BRI3: variants seen among roughly 807,000 people sequenced by gnomAD.
BRI3 encodes brain protein I3.
A neutral mutation model predicts 12.8 loss-of-function variants in BRI3; 6 were observed. The observed-to-expected ratio is 0.47, with a 90% CI of 0.26 to 0.93. The LOEUF is 0.93. BRI3 is among the 40% of genes least tolerant of loss of function. BRI3 has a pLI of 0.15. For missense variants in BRI3, 134 were observed against 171.1 expected (o/e 0.78, Z 1.21); for synonymous variants, 91 against 76.1 (o/e 1.20, Z -1.02).
downstream of BRI3, among the ~76,000 whole-genome samples, chr7:98,295,358 G>A (rs1025362953): frequency 1.3e-5 from 2 of 152,142 alleles, no homozygotes; most frequent in African/African-American, 4.8e-5. Flanking sequence ...TTCATCACTG[G>A]AGCACAAAGC....
chr7:98,320,282 C>T, the BRI3 span: 10 of 1,607,822 alleles, frequency 6.2e-6, no homozygotes, highest in Middle Eastern at 1.7e-4. Context: ...TACTTGAAAT[C>T]TCTATGAGGA....
the BRI3 span, chr7:98,315,609 C>G: frequency 8.4e-7 from 1 of 1,185,332 alleles, no homozygotes. Context: ...ACGGTCTCCA[C>G]ATACTAAAAA....
At position 98,281,707 on chromosome 7, in the gene BRI3, T is replaced by C; in HGVS notation, c.-89T>C. The C allele has an allele frequency of 1.9e-6, 1 of 539,026 alleles. No individual in the cohort carries two copies. The highest frequency in any genetic ancestry group is 2.3e-6 in the Non-Finnish European group (1 of 427,768). 33.4% of individuals were successfully genotyped at this position (539,026 alleles called of 1,614,324 possible). A position where few individuals can be genotyped will look rare whatever the true frequency, so the allele number is the denominator to read the frequency against. On this transcript the variant is annotated 5_prime_UTR_variant, in exon 1 of 3. Coordinates refer to ENST00000297290, the MANE Select transcript of BRI3 (RefSeq NM_015379.5). ...CCTCAGAGGGGCCCGAGCCACCCGG[T>C]CCGCCGCGTCCCCGCCGCCGCCGCC... is the stretch of plus-strand genomic sequence containing the variant.
At chr7:98,302,628 G>A (rs972540199), upstream of BRI3, among the ~76,000 whole-genome samples, 1 of 152,112 alleles carries the variant, frequency 6.6e-6, no homozygotes, top group Non-Finnish European at 1.5e-5. Context: ...TCCAGATGGG[G>A]GACACCCTCC....
At chr7:98,312,988 G>A (rs1800926021), downstream of BRI3, among the ~76,000 whole-genome samples, 1 of 152,158 alleles carries the variant, frequency 6.6e-6, no homozygotes, top group Non-Finnish European at 1.5e-5. Flanking sequence ...GGGGAGGCAG[G>A]AGCCTGTCCT....
downstream of BRI3, among the ~76,000 whole-genome samples, chr7:98,315,018 T>C (rs540949095): frequency 6.6e-6 from 1 of 152,392 alleles, no homozygotes; most frequent in African/African-American, 2.4e-5. Context: ...TATGTTCAAG[T>C]TGGCCAAACA....
At chr7:98,307,610 G>T (rs11976515) in exon 2 of BRI3, 6 of 1,579,064 alleles carry the variant, frequency 3.8e-6, no homozygotes, top group South Asian at 1.1e-5. Context: ...GCATGTCCAC[G>T]AAGACAGTTT....
intron 2 of BRI3, among the ~76,000 whole-genome samples, chr7:98,287,213 C>T (rs751636736): frequency 1.4e-4 from 21 of 152,218 alleles, no homozygotes; most frequent in South Asian, 4.1e-4. Flanking sequence ...CCCAGAGACC[C>T]GGGGGCCTTG....
downstream of BRI3, among the ~76,000 whole-genome samples, chr7:98,297,372 G>C (rs1800236924): frequency 6.6e-6 from 1 of 152,176 alleles, no homozygotes; most frequent in Non-Finnish European, 1.5e-5. Flanking sequence ...GTCCCGGGCA[G>C]CTCGGAGCAC....
intron 1 of BRI3, among the ~76,000 whole-genome samples, chr7:98,299,794 A>G (rs906622926): frequency 1.2e-4 from 19 of 152,204 alleles, no homozygotes; most frequent in African/African-American, 4.6e-4. Context: ...TATTCCCAGC[A>G]CTTTGGGAGG....
intron 2 of BRI3, among the ~76,000 whole-genome samples, chr7:98,285,209 G>C (rs1374340076): frequency 1.3e-5 from 2 of 152,244 alleles, no homozygotes; most frequent in Admixed American, 1.3e-4. Flanking sequence ...ATGTCGCTCA[G>C]AGGTCCAGGG....
exon 2 of BRI3, chr7:98,307,859 C>G (rs779672960): frequency 6.2e-7 from 1 of 1,614,208 alleles, no homozygotes; most frequent in African/African-American, 1.3e-5. Flanking sequence ...CCGTTGCAAC[C>G]GAAACTGATC....
the BRI3 span, among the ~76,000 whole-genome samples, chr7:98,321,537 C>T: frequency 6.6e-6 from 1 of 152,154 alleles, no homozygotes; most frequent in Non-Finnish European, 1.5e-5. Context: ...CAATCACGCC[C>T]CCGGGTTTGC....
downstream of BRI3, chr7:98,292,770 A>G: frequency 1.3e-6 from 2 of 1,549,584 alleles, no homozygotes; most frequent in Non-Finnish European, 1.7e-6. Flanking sequence ...TAGCTGAGTG[A>G]GAACACAAGG....
At position 98,290,969 on chromosome 7, in the gene BRI3, G is replaced by T. The variant is rs112430212; in HGVS notation, c.246-142G>T. The stretch of plus-strand genomic sequence containing the variant: ...GGGCTGTAGCTGGGTGGTGGGGTGG[G>T]GGGCTGTTTTCTGTCACTCGCCAGA... On this transcript the variant is annotated intron_variant, in intron 2 of 2. Coordinates refer to ENST00000297290, the MANE Select transcript of BRI3 (RefSeq NM_015379.5). 1.5e-5 allele frequency: 11 copies of T among 737,482 alleles called. No homozygotes were observed. The South Asian group carries it at 1.9e-4, about 13-fold the overall frequency. 45.7% of individuals were successfully genotyped at this position (737,482 alleles called of 1,614,324 possible). A position where few individuals can be genotyped will look rare whatever the true frequency, so the allele number is the denominator to read the frequency against.
At chr7:98,289,146 C>T (rs760039444) in intron 2 of BRI3, among the ~76,000 whole-genome samples, 3 of 152,018 alleles carry the variant, frequency 2.0e-5, no homozygotes, top group East Asian at 1.9e-4. Flanking sequence ...TTAGTAGAAA[C>T]GCGGTTTCAC....
chr7:98,321,101 C>T, the BRI3 span, among the ~76,000 whole-genome samples: 1,114 of 152,186 alleles, frequency 7.3e-3, 9 homozygotes, highest in African/African-American at 0.026. Flanking sequence ...TCAAGTGATC[C>T]GCACACCTCA....
At chr7:98,314,998 T>C (rs1307390585), downstream of BRI3, among the ~76,000 whole-genome samples, 21 of 152,264 alleles carry the variant, frequency 1.4e-4, no homozygotes, top group Non-Finnish European at 5.9e-5. Context: ...GCTGTATTTC[T>C]ATAAGTTTAT....
chr7:98,315,899 C>T, the BRI3 span, among the ~76,000 whole-genome samples: 154 of 152,300 alleles, frequency 1.0e-3, 2 homozygotes, highest in African/African-American at 3.3e-3. Flanking sequence ...TCGTGTCCTA[C>T]TGGAAAGCAC....
Sources: allele counts gnomAD v4.1 joint callset (sites outside exome capture counted in the v4.1 genomes callset), GRCh38; gene constraint gnomAD v4.1.1; transcripts MANE v1.5; gene names NCBI Gene and HGNC (gene_info 2026-07-23, HGNC 2026-07-21).